Variants in ROBO2 observed in about 807,000 individuals in gnomAD.
The protein encoded by ROBO2 is roundabout guidance receptor 2.
A neutral mutation model predicts 160.8 loss-of-function variants in ROBO2; 53 were observed. The observed-to-expected ratio is 0.33, with a 90% CI of 0.26 to 0.41. The LOEUF (loss-of-function observed/expected upper bound fraction) is 0.41, where lower values mean the gene tolerates loss of function less well. Among genes scored for constraint, ROBO2 ranks in the 10% least tolerant of loss-of-function variants. The pLI, the probability that ROBO2 is intolerant of heterozygous loss-of-function variation, is 1.00. For missense variants in ROBO2, 1,577 were observed against 1,722.4 expected (o/e 0.92, Z 1.49); for synonymous variants, 664 against 611.7 (o/e 1.09, Z -1.26).
At chr3:75,976,835 C>A (rs187176546) in intron 2 of ROBO2, among the ~76,000 whole-genome samples, 1 of 151,366 alleles carries the variant, frequency 6.6e-6, no homozygotes, top group Admixed American at 6.6e-5. Flanking sequence ...GGCACAAACA[C>A]GTTTCTTTGC....
At chr3:76,999,890 G>A (rs912119480) in intron 2 of ROBO2, among the ~76,000 whole-genome samples, 7 of 152,054 alleles carry the variant, frequency 4.6e-5, no homozygotes, top group African/African-American at 1.7e-4. Flanking sequence ...CTTAAAAATT[G>A]GTAAAGTTGA....
At chr3:76,009,843 G>A (rs2066143385) in intron 2 of ROBO2, among the ~76,000 whole-genome samples, 1 of 152,134 alleles carries the variant, frequency 6.6e-6, no homozygotes, top group African/African-American at 2.4e-5. Flanking sequence ...CTTTGACTCT[G>A]CATTAGCCAT....
At chr3:77,500,799 A>T (rs956112900) in intron 5 of ROBO2, among the ~76,000 whole-genome samples, 2 of 152,194 alleles carry the variant, frequency 1.3e-5, no homozygotes, top group Non-Finnish European at 2.9e-5. Flanking sequence ...TGGGGAGTGC[A>T]AGTTGCCTAG....
At chr3:77,340,731 C>G (rs901853721) in intron 2 of ROBO2, among the ~76,000 whole-genome samples, 2 of 151,900 alleles carry the variant, frequency 1.3e-5, no homozygotes, top group Non-Finnish European at 2.9e-5. Flanking sequence ...CATATTTTGC[C>G]CATGAAGTTC....
At chr3:76,307,624 C>A (rs546122511) in intron 2 of ROBO2, among the ~76,000 whole-genome samples, 43 of 152,136 alleles carry the variant, frequency 2.8e-4, no homozygotes, top group South Asian at 8.3e-4. Context: ...CCTTACCTTT[C>A]AAGCTTTGCT....
rs1485437274 is a variant in ROBO2 at position 77,141,987 on chromosome 3, A to T, written c.388+43647A>T. Among the ~76,000 whole-genome samples the T allele has an allele frequency of 2.0e-5, 3 of 152,200 alleles. 1 individual carries two copies. Among genetic ancestry groups the T allele is most frequent in the Non-Finnish European group, 4.4e-5 (3 of 68,044 alleles). ...ACCAAAGGCTGCATACTCAATTAAAAATATGGGCACCATTTTGCGTACTTG... is the reference window on the plus strand; with the variant it reads ...ACCAAAGGCTGCATACTCAATTAAATATATGGGCACCATTTTGCGTACTTG... On this transcript the variant is annotated intron_variant, in intron 2 of 25. Coordinates refer to ENST00000461745, the Ensembl canonical transcript of ROBO2.
intron 2 of ROBO2, among the ~76,000 whole-genome samples, chr3:77,240,446 G>T (rs905271914): frequency 8.5e-5 from 13 of 152,168 alleles, no homozygotes; most frequent in Non-Finnish European, 1.3e-4. Context: ...ACACAGCCCG[G>T]GTTCCTGCCC....
At chr3:77,554,624 C>T (rs2093043011) in intron 8 of ROBO2, among the ~76,000 whole-genome samples, 1 of 151,922 alleles carries the variant, frequency 6.6e-6, no homozygotes, top group African/African-American at 2.4e-5. Context: ...GGGTTCCAGA[C>T]TTCAGTAGAG....
Position 76,490,561 on chromosome 3 carries a change from G to T in ROBO2, c.109+552959G>T, listed in dbSNP as rs571179231. Among the ~76,000 whole-genome samples the T allele has an allele frequency of 4.6e-5, 7 of 152,250 alleles. No individual in the cohort carries two copies. In the East Asian group the frequency reaches 1.4e-3, roughly 29 times the overall value. ...TTAAGAATTATTCTGGAGTGCTTAC[G>T]CTTCAGGACTGTGAGAAGTGATGAA... is the stretch of plus-strand genomic sequence containing the variant. On this transcript the variant is annotated intron_variant, in intron 2 of 26. Coordinates refer to the ROBO2 transcript ENST00000487694.
At chr3:77,479,905 G>A (rs945249215) in intron 3 of ROBO2, among the ~76,000 whole-genome samples, 16 of 152,034 alleles carry the variant, frequency 1.1e-4, no homozygotes, top group African/African-American at 3.9e-4. Flanking sequence ...TTCCAACTCA[G>A]CAAGAGAAGG....
chr3:76,099,702 A>AT lies in ROBO2; in HGVS notation c.109+162107dup, dbSNP rs573452890. Among the ~76,000 whole-genome samples the AT allele has an allele frequency of 4.1e-3, 623 of 152,214 alleles. 5 individuals carry two copies. Among genetic ancestry groups the AT allele is most frequent in the Non-Finnish European group, 7.1e-3 (485 of 67,984 alleles). On this transcript the variant is annotated intron_variant, in intron 2 of 26. Transcript: ENST00000487694. Reference sequence around the variant, plus strand: ...TTGTTAAAAATCTGCAAAATTTCTGATTTTTTTCTCTAAAAAAATTTTCAC... The same window carrying AT: ...TTGTTAAAAATCTGCAAAATTTCTGATTTTTTTTCTCTAAAAAAATTTTCAC...
At chr3:76,542,184 C>T (rs1355164983) in intron 2 of ROBO2, among the ~76,000 whole-genome samples, 1 of 151,988 alleles carries the variant, frequency 6.6e-6, no homozygotes. Context: ...TGTTTAGGTG[C>T]CTTCTATATT....
chr3:77,412,768 C>T (rs2076905225), intron 2 of ROBO2, among the ~76,000 whole-genome samples: 2 of 152,218 alleles, frequency 1.3e-5, no homozygotes, highest in African/African-American at 4.8e-5. Flanking sequence ...TAGGGCCCAA[C>T]CCCACACTTC....
At chr3:76,120,239 T>C (rs1006551883) in intron 2 of ROBO2, among the ~76,000 whole-genome samples, 1 of 152,036 alleles carries the variant, frequency 6.6e-6, no homozygotes, top group Admixed American at 6.6e-5. Context: ...TGACCTCAGG[T>C]GATCCGCCCA....
At chr3:77,609,582 G>A (rs1233580165) in intron 21 of ROBO2, among the ~76,000 whole-genome samples, 4 of 151,766 alleles carry the variant, frequency 2.6e-5, no homozygotes, top group Non-Finnish European at 5.9e-5. Flanking sequence ...CATAGACTAT[G>A]ATAATTCCTG....
At chr3:77,399,010 A>C (rs2075556739) in intron 2 of ROBO2, among the ~76,000 whole-genome samples, 1 of 152,150 alleles carries the variant, frequency 6.6e-6, no homozygotes, top group African/African-American at 2.4e-5. Context: ...AATTAGCAAA[A>C]TTGGTTATTG....
At chr3:77,378,318 T>C (rs1052929155) in intron 2 of ROBO2, among the ~76,000 whole-genome samples, 1 of 152,188 alleles carries the variant, frequency 6.6e-6, no homozygotes, top group African/African-American at 2.4e-5. Flanking sequence ...ATTAACTCTT[T>C]GAGTTCCTAT....
intron 2 of ROBO2, among the ~76,000 whole-genome samples, chr3:76,315,928 G>T (rs2071983466): frequency 6.6e-6 from 1 of 152,136 alleles, no homozygotes; most frequent in Non-Finnish European, 1.5e-5. Context: ...TACAAAGAGA[G>T]GAATTTTACA....
At chr3:76,003,819 A>G (rs764490574) in intron 2 of ROBO2, among the ~76,000 whole-genome samples, 2 of 152,208 alleles carry the variant, frequency 1.3e-5, no homozygotes. Context: ...ACCAGTGGCA[A>G]ATAAGCACTG....
Sources: allele counts gnomAD v4.1 joint callset (sites outside exome capture counted in the v4.1 genomes callset), GRCh38; gene constraint gnomAD v4.1.1; transcripts MANE v1.5; gene names NCBI Gene and HGNC (gene_info 2026-07-23, HGNC 2026-07-21).